Variants in PRKCH observed in about 807,000 individuals in gnomAD.
The protein encoded by PRKCH is protein kinase C eta, also known as protein kinase C eta type.
In PRKCH, 28 loss-of-function variants were observed where a neutral mutation model predicts 82.5. The ratio of observed to expected loss-of-function variants is 0.34; its 90% CI spans 0.25 to 0.47. The LOEUF is 0.47. Among genes scored for constraint, PRKCH ranks in the 20% least tolerant of loss-of-function variants. The probability of loss-of-function intolerance (pLI) is 1.00; values close to 1 mark genes in which losing one functional copy is unlikely to be tolerated. For synonymous variants in PRKCH, 322 were observed against 327.4 expected, an observed-to-expected ratio of 0.98 and a Z score of 0.18; for missense variants, 705 against 881.8, an observed-to-expected ratio of 0.80 and a Z score of 2.54.
chr14:61,196,974 C>T (rs910618098), intron 1 of PRKCH, among the ~76,000 whole-genome samples: 1 of 152,186 alleles, frequency 6.6e-6, no homozygotes, highest in South Asian at 2.1e-4. Flanking sequence ...CCAGACTTCA[C>T]GGACAGGGAG....
intron 10 of PRKCH, among the ~76,000 whole-genome samples, chr14:61,526,803 G>A (rs543110755): frequency 2.0e-5 from 3 of 152,384 alleles, no homozygotes; most frequent in South Asian, 4.1e-4. Context: ...GCTCCAGGCG[G>A]CCCAAGGCCA....
In PRKCH at chr14:61,314,609, T is replaced by C. The variant is rs112504612; in HGVS notation, c.-19+126941T>C. Among the ~76,000 whole-genome samples, 767 of 152,328 alleles carry C rather than the reference T, an allele frequency of 5.0e-3. 6 individuals are homozygous for C. Among genetic ancestry groups the C allele is most frequent in the African/African-American group, 0.017 (722 of 41,562 alleles). On this transcript the variant is annotated intron_variant, in intron 1 of 3. Coordinates refer to the PRKCH transcript ENST00000555185. ...TTTTATTTGTGCTTTTCTGTTCTGA[T>C]CTCAATCCCTGGAATCTGTCTTACT...
chr14:61,433,200 A>C (rs1883505500), intron 2 of PRKCH, among the ~76,000 whole-genome samples: 1 of 152,232 alleles, frequency 6.6e-6, no homozygotes, highest in African/African-American at 2.4e-5. Flanking sequence ...ATGTTGAATC[A>C]GAAACATGAA....
At chr14:61,530,946 C>G (rs1026468812) in intron 12 of PRKCH, among the ~76,000 whole-genome samples, 6 of 152,208 alleles carry the variant, frequency 3.9e-5, no homozygotes. Context: ...AAGTAAATGC[C>G]ATTCCCAGCC....
chr14:61,505,951 A>G (rs1887128457), intron 10 of PRKCH, among the ~76,000 whole-genome samples: 1 of 152,086 alleles, frequency 6.6e-6, no homozygotes, highest in African/African-American at 2.4e-5. Flanking sequence ...CCGTTAAGAA[A>G]GGTGAGGAGC....
At chr14:61,361,222 G>A (rs2046220553) in intron 1 of PRKCH, 1 of 152,232 alleles carries the variant, frequency 6.6e-6, no homozygotes, top group African/African-American at 2.4e-5. Context: ...GGATGAGGGT[G>A]GAGGGTGTGA....
intron 1 of PRKCH, among the ~76,000 whole-genome samples, chr14:61,250,270 TA>T (rs1381752499): frequency 3.3e-5 from 5 of 151,300 alleles, no homozygotes; most frequent in Non-Finnish European, 7.4e-5. Context: ...AATAAATAAA[TA>T]AATAAATAAA....
In PRKCH at chr14:61,280,936, G is replaced by A; in HGVS notation, c.-19+93268G>A. 2 of 1,538,524 alleles carry A rather than the reference G, an allele frequency of 1.3e-6. No individual in the cohort carries two copies. Among genetic ancestry groups the A allele is most frequent in the Non-Finnish European group, 8.7e-7 (1 of 1,146,258 alleles). On this transcript the variant is annotated intron_variant, in intron 1 of 3. Coordinates refer to the PRKCH transcript ENST00000555185. This position sits in a 1 kb window ranked among gnomAD's most constrained non-coding sequence, Gnocchi z 5.0. Reference sequence around the variant, plus strand: ...GCACACCGAGCAGTTACCGGTGCCCGGGTCGCCTGTATAGTCGTACTCCAG... The same window carrying A: ...GCACACCGAGCAGTTACCGGTGCCCAGGTCGCCTGTATAGTCGTACTCCAG...
chr14:61,322,227 C>G lies in PRKCH; in HGVS notation c.126C>G (p.Asp42Glu). ...SLFKKGHQLL[D>E]PYLTVSVDQV... ...TCAAGAAGGGCCACCAGCTGCTGGA[C>G]CCCTATCTGACGGTGAGCGTGGACC... The change falls in exon 1 of 14, where the codon GAC (aspartate) becomes GAG (glutamate). Residue 42 changes from aspartate (D) to glutamate (E), a missense_variant. Coordinates refer to ENST00000332981, the MANE Select transcript of PRKCH (RefSeq NM_006255.5). 6.2e-7 allele frequency: 1 copy of G among 1,613,446 alleles called. No individual in the cohort carries two copies. Among genetic ancestry groups the G allele is most frequent in the Non-Finnish European group, 8.5e-7 (1 of 1,179,866 alleles).
At chr14:61,448,891 G>A (rs1884353572) in intron 4 of PRKCH, among the ~76,000 whole-genome samples, 1 of 152,186 alleles carries the variant, frequency 6.6e-6, no homozygotes. Context: ...GGACTAGAGT[G>A]TTAGAAGAGT....
intron 1 of PRKCH, among the ~76,000 whole-genome samples, chr14:61,211,630 C>T (rs2044581882): frequency 6.6e-6 from 1 of 152,110 alleles, no homozygotes; most frequent in Non-Finnish European, 1.5e-5. Flanking sequence ...CATGAGTAGG[C>T]AAGCCAAACA....
intron 12 of PRKCH, among the ~76,000 whole-genome samples, chr14:61,536,920 A>G (rs115674096): frequency 0.011 from 1,669 of 152,260 alleles, 32 homozygotes; most frequent in African/African-American, 0.039. Flanking sequence ...TAGCTGTTCA[A>G]ACATTTCCTA....
chr14:61,213,996 T>C (rs1255033320), intron 1 of PRKCH, among the ~76,000 whole-genome samples: 6 of 152,174 alleles, frequency 3.9e-5, no homozygotes. Context: ...AGTTAGCATA[T>C]AATCCATATA....
At chr14:61,482,882 T>G (rs543415164) in intron 9 of PRKCH, among the ~76,000 whole-genome samples, 1 of 152,334 alleles carries the variant, frequency 6.6e-6, no homozygotes, top group South Asian at 2.1e-4. Context: ...CAGTCTGGCT[T>G]TTAGATTTTA....
chr14:61,438,074 C>T (rs1245900347), intron 2 of PRKCH, among the ~76,000 whole-genome samples: 1 of 152,106 alleles, frequency 6.6e-6, no homozygotes, highest in East Asian at 1.9e-4. Context: ...TCAAATGGCC[C>T]TATGAGGAAC....
At chr14:61,449,303 T>C in intron 5 of PRKCH, 51 bp downstream of exon 5, 1 of 1,481,288 alleles carries the variant, frequency 6.8e-7, no homozygotes, top group Non-Finnish European at 9.4e-7. Flanking sequence ...TTGTGTATGC[T>C]GTGTACCGCC....
intron 1 of PRKCH, among the ~76,000 whole-genome samples, chr14:61,249,751 G>A (rs1429908654): frequency 1.3e-5 from 2 of 151,880 alleles, no homozygotes; most frequent in Non-Finnish European, 2.9e-5. Context: ...CTCCTGAGTA[G>A]CTGGGATTAC....
intron 5 of PRKCH, among the ~76,000 whole-genome samples, chr14:61,449,991 A>C (rs1884425283): frequency 6.6e-6 from 1 of 152,088 alleles, no homozygotes; most frequent in Admixed American, 6.5e-5. Flanking sequence ...CATACATTTT[A>C]AATTCTAGAG....
chr14:61,331,018 G>A (rs1031597282), intron 1 of PRKCH, among the ~76,000 whole-genome samples: 5 of 152,168 alleles, frequency 3.3e-5, no homozygotes, highest in South Asian at 2.1e-4. Context: ...GTGTTGGGCT[G>A]CATTCAAAGC....
Sources: gnomAD v4.1 joint callset for allele counts (sites outside exome capture counted in the v4.1 genomes callset) on GRCh38, gnomAD v4.1.1 for gene constraint, Gnocchi (gnomAD v3.1) non-coding constraint, MANE v1.5 for transcripts, NCBI Gene and HGNC (gene_info 2026-07-23, HGNC 2026-07-21) for gene names.